LRRTM4: variants seen among roughly 807,000 people sequenced by gnomAD.
LRRTM4 encodes the protein leucine rich repeat transmembrane neuronal 4.
In LRRTM4, 25 loss-of-function variants were observed where a neutral mutation model predicts 47.6. The observed-to-expected ratio is 0.53, with a 90% confidence interval of 0.38 to 0.73. The LOEUF is 0.73. Ranked by LOEUF, LRRTM4 falls within the 30% of genes least tolerant of loss-of-function variation. The pLI, the probability that LRRTM4 is intolerant of heterozygous loss-of-function variation, is 0.00. For synonymous variants in LRRTM4, 311 were observed against 269.5 expected (o/e 1.15, Z -1.51); for missense variants, 638 against 713.4 (o/e 0.89, Z 1.20).
At chr2:77,475,175 A>G (rs1677339671) in intron 3 of LRRTM4, among the ~76,000 whole-genome samples, 1 of 152,184 alleles carries the variant, frequency 6.6e-6, no homozygotes, top group Non-Finnish European at 1.5e-5. Context: ...TAATATACCA[A>G]GTGTGTTTTG....
At chr2:77,390,137 T>C (rs1351886196) in intron 3 of LRRTM4, among the ~76,000 whole-genome samples, 1 of 152,082 alleles carries the variant, frequency 6.6e-6, no homozygotes, top group Non-Finnish European at 1.5e-5. Context: ...ATATTAACAC[T>C]GCTCAGACCC....
intron 3 of LRRTM4, among the ~76,000 whole-genome samples, chr2:77,420,195 G>C (rs1674820399): frequency 6.6e-6 from 1 of 152,204 alleles, no homozygotes. Flanking sequence ...ATCTCCCTCA[G>C]TGTCTTGTCA....
At chr2:77,335,882 T>C (rs1357979599) in intron 3 of LRRTM4, among the ~76,000 whole-genome samples, 1 of 152,104 alleles carries the variant, frequency 6.6e-6, no homozygotes, top group Non-Finnish European at 1.5e-5. Flanking sequence ...GCAAATATTG[T>C]AGGCTTCATG....
intron 3 of LRRTM4, among the ~76,000 whole-genome samples, chr2:76,795,953 T>C (rs540471051): frequency 6.6e-6 from 1 of 150,900 alleles, no homozygotes; most frequent in East Asian, 2.0e-4. Flanking sequence ...GGTCAGTGGG[T>C]GCGCGCACCA....
At chr2:76,863,830 A>G (rs1056472292) in intron 3 of LRRTM4, among the ~76,000 whole-genome samples, 1 of 152,186 alleles carries the variant, frequency 6.6e-6, no homozygotes, top group Non-Finnish European at 1.5e-5. Flanking sequence ...CAAAGTAATC[A>G]TATCTCATAT....
intron 3 of LRRTM4, among the ~76,000 whole-genome samples, chr2:76,867,485 G>A (rs1198990884): frequency 2.0e-5 from 3 of 152,164 alleles, no homozygotes; most frequent in Non-Finnish European, 4.4e-5. Flanking sequence ...GACATATTTA[G>A]TGTGGATGCT....
At chr2:76,933,318 C>T (rs1212267728) in intron 3 of LRRTM4, among the ~76,000 whole-genome samples, 1 of 152,028 alleles carries the variant, frequency 6.6e-6, no homozygotes, top group East Asian at 1.9e-4. Flanking sequence ...ACTTGCCAAT[C>T]ACTACATCTT....
intron 3 of LRRTM4, among the ~76,000 whole-genome samples, chr2:77,210,213 T>C (rs948683975): frequency 6.6e-6 from 1 of 152,202 alleles, no homozygotes; most frequent in African/African-American, 2.4e-5. Context: ...CTGGGCCTCA[T>C]GATGTCTCTT....
At position 77,519,272 on chromosome 2, in the gene LRRTM4, A is replaced by T; in HGVS notation, c.597T>A (p.Asn199Lys). Residue 199 changes from asparagine (N) to lysine (K), a missense_variant, in exon 3 of 4, where the codon AAT (asparagine) becomes AAA (lysine). Asn to Lys is a moderately conservative substitution (Grantham distance 94, BLOSUM62 0). Transcript: ENST00000409884. The surrounding 1 kb of genome is among the most constrained non-coding windows in gnomAD (Gnocchi z 4.6). ...GYNRLRSLSR[N>K]AFAGLLKLKE... ...TTAACTTCAAGAGGCCAGCAAATGC[A>T]TTTCGGGACAAGCTTCGAAGACGAT... 6.2e-7 allele frequency: 1 copy of T among 1,613,480 alleles called. No individual in the cohort carries two copies. The highest frequency in any genetic ancestry group is 8.5e-7 in the Non-Finnish European group (1 of 1,179,594).
intron 3 of LRRTM4, among the ~76,000 whole-genome samples, chr2:76,751,685 G>A (rs1016044383): frequency 5.9e-5 from 9 of 152,016 alleles, no homozygotes; most frequent in Non-Finnish European, 1.0e-4. Flanking sequence ...GTTTGCCAGC[G>A]GGACCTATTT....
At chr2:76,880,999 A>T (rs764798271) in intron 3 of LRRTM4, among the ~76,000 whole-genome samples, 18 of 152,132 alleles carry the variant, frequency 1.2e-4, no homozygotes, top group Non-Finnish European at 2.2e-4. Flanking sequence ...AATTACAGTT[A>T]GATAGGAGGA....
At chr2:76,919,592 G>A (rs929093156) in intron 3 of LRRTM4, among the ~76,000 whole-genome samples, 1 of 152,010 alleles carries the variant, frequency 6.6e-6, no homozygotes, top group Admixed American at 6.6e-5. Flanking sequence ...GGAAAGTTGG[G>A]AAAATTGTGA....
At chr2:77,207,146 A>T (rs1372609519) in intron 3 of LRRTM4, among the ~76,000 whole-genome samples, 2 of 134,450 alleles carry the variant, frequency 1.5e-5, no homozygotes, top group African/African-American at 3.4e-5. Flanking sequence ...TTATATTTAT[A>T]TATATATATA....
At chr2:76,970,087 G>C (rs1015329608) in intron 3 of LRRTM4, among the ~76,000 whole-genome samples, 7 of 151,902 alleles carry the variant, frequency 4.6e-5, no homozygotes, top group African/African-American at 1.7e-4. Flanking sequence ...TCACTCAACA[G>C]GTGAGTCTCA....
At chr2:77,489,399 AAAC>A (rs1191378598) in intron 3 of LRRTM4, among the ~76,000 whole-genome samples, 3 of 152,226 alleles carry the variant, frequency 2.0e-5, no homozygotes, top group Non-Finnish European at 4.4e-5. Flanking sequence ...CAAAATATTT[AAAC>A]AACAATTTCT....
chr2:76,773,914 A>C (rs1452864533), intron 3 of LRRTM4, among the ~76,000 whole-genome samples: 4 of 151,926 alleles, frequency 2.6e-5, no homozygotes, highest in African/African-American at 9.7e-5. Flanking sequence ...CAGAATTCTT[A>C]AATTCCGTTA....
intron 3 of LRRTM4, among the ~76,000 whole-genome samples, chr2:76,814,727 A>AG (rs1208425809): frequency 6.6e-6 from 1 of 151,806 alleles, no homozygotes; most frequent in African/African-American, 2.4e-5. Flanking sequence ...GGAGTCTTGG[A>AG]GCCAACCACC....
Position 76,748,478 on chromosome 2 carries a change from C to CCAA in LRRTM4, c.*216_*217insTTG. On this transcript the variant is annotated 3_prime_UTR_variant, in exon 4 of 4. Transcript: ENST00000409884. ...TTTTTGTTTGTTTTATGTTTTAAAG[C>CCAA]AAAGAAAGTTCTGCAGTCCTCCCGG... 1 of 568,536 alleles carries CCAA rather than the reference C, an allele frequency of 1.8e-6. No individual in the cohort carries two copies. The highest frequency in any genetic ancestry group is 3.1e-6 in the Non-Finnish European group (1 of 320,290). 35.2% of individuals were successfully genotyped at this position (568,536 alleles called of 1,614,324 possible).
At chr2:77,107,684 G>A (rs1306005558) in intron 3 of LRRTM4, among the ~76,000 whole-genome samples, 3 of 151,932 alleles carry the variant, frequency 2.0e-5, no homozygotes, top group African/African-American at 7.3e-5. Context: ...CTGGCGTGGT[G>A]ATGCATGCCT....
Sources: allele counts gnomAD v4.1 joint callset (sites outside exome capture counted in the v4.1 genomes callset), GRCh38; gene constraint gnomAD v4.1.1; non-coding constraint Gnocchi (gnomAD v3.1); transcripts MANE v1.5; gene names NCBI Gene and HGNC (gene_info 2026-07-23, HGNC 2026-07-21).